Variants in ATAD2 observed in about 807,000 individuals in gnomAD.
The protein encoded by ATAD2 is ATPase family AAA domain containing 2.
ATAD2 carries 62 observed loss-of-function variants against 168.9 expected under a neutral mutation model. That is an observed-to-expected ratio of 0.37 (90% CI 0.30 to 0.45). The LOEUF is 0.45. Ranked by LOEUF, ATAD2 falls within the 20% of genes least tolerant of loss-of-function variation. The pLI is 1.00. For missense variants in ATAD2, 1,419 were observed against 1,667.8 expected (o/e 0.85, Z 2.60); for synonymous variants, 613 against 571.6 (o/e 1.07, Z -1.03).
chr8:123,384,617 G>T (rs772153437), intron 1 of ATAD2, among the ~76,000 whole-genome samples: 14 of 152,186 alleles, frequency 9.2e-5, no homozygotes, highest in Non-Finnish European at 2.1e-4. Flanking sequence ...GCACCCATGT[G>T]CCAGGCCCAT....
chr8:123,370,941 G>T lies in ATAD2; in HGVS notation c.689C>A (p.Thr230Asn). 6.2e-7 allele frequency: 1 copy of T among 1,607,834 alleles called. No homozygotes were observed. The highest frequency in any genetic ancestry group is 8.5e-7 in the Non-Finnish European group (1 of 1,176,512). ...TRGKQKDIQR[T>N]DEETTDNQEG... ...TTGATTATCAGTTGTTTCTTCATCAGTTCTTTGAATATCTTTCTGTTTTCC... is the reference window on the plus strand; with the variant it reads ...TTGATTATCAGTTGTTTCTTCATCATTTCTTTGAATATCTTTCTGTTTTCC... The change falls in exon 6 of 28, where the codon ACT becomes AAT. Residue 230 changes from threonine (T) to asparagine (N), a missense_variant. Coordinates refer to ENST00000287394, the MANE Select transcript of ATAD2 (RefSeq NM_014109.4).
In ATAD2 at chr8:123,369,818, T is replaced by A. The variant is rs1829086161; in HGVS notation, c.931+3A>T. 1.9e-6 allele frequency: 3 copies of A among 1,602,212 alleles called. No individual in the cohort carries two copies. Among genetic ancestry groups the A allele is most frequent in the Non-Finnish European group, 1.7e-6 (2 of 1,170,878 alleles). Reference sequence around the variant, plus strand: ...TCCTGGAAAGAGTATGTATAGCACTTACTTTCCAATGGAGCCTGATAGTAA... The same window carrying A: ...TCCTGGAAAGAGTATGTATAGCACTAACTTTCCAATGGAGCCTGATAGTAA... On this transcript the variant is annotated splice_donor_region_variant and intron_variant, in intron 7 of 27. Coordinates refer to ENST00000287394, the MANE Select transcript of ATAD2 (RefSeq NM_014109.4).
intron 1 of ATAD2, among the ~76,000 whole-genome samples, chr8:123,408,972 C>T (rs146787540): frequency 3.5e-4 from 53 of 152,064 alleles, no homozygotes; most frequent in African/African-American, 1.2e-3. Flanking sequence ...GGACTACAGG[C>T]GCGTGCCACC....
chr8:123,345,183 T>G (rs1828198515), intron 18 of ATAD2, 114 bp from the exon 19 acceptor site: 1 of 864,276 alleles, frequency 1.2e-6, no homozygotes. Flanking sequence ...AGTCCTCAAG[T>G]TTTTAAAATG....
At chr8:123,409,749 C>G (rs1813124807) in intron 1 of ATAD2, among the ~76,000 whole-genome samples, 2 of 151,810 alleles carry the variant, frequency 1.3e-5, no homozygotes, top group African/African-American at 4.8e-5. Flanking sequence ...AGGTGGATCA[C>G]CTGGGGTTGG....
At chr8:123,401,432 G>A (rs1312535945), upstream of ATAD2, 42 of 1,407,900 alleles carry the variant, frequency 3.0e-5, no homozygotes, top group African/African-American at 4.8e-4. Flanking sequence ...CTGCCATGGT[G>A]TATTACGTCA....
chr8:123,415,234 A>G (rs951301256), intron 1 of ATAD2, among the ~76,000 whole-genome samples: 18 of 152,148 alleles, frequency 1.2e-4, no homozygotes, highest in African/African-American at 4.3e-4. Context: ...TAGGGCCCCA[A>G]TCCCTTCTAG....
intron 26 of ATAD2, among the ~76,000 whole-genome samples, chr8:123,325,408 G>A (rs1256872371): frequency 1.3e-5 from 2 of 151,616 alleles, no homozygotes; most frequent in South Asian, 2.1e-4. Context: ...TCAGCCTCCC[G>A]AGTAGCTGGG....
At position 123,375,087 on chromosome 8, in the gene ATAD2, A is replaced by T. The variant is rs563292565; in HGVS notation, c.321-2401T>A. 3.3e-5 allele frequency among the ~76,000 whole-genome samples: 5 copies of T among 152,368 alleles called. No individual in the cohort carries two copies. The East Asian group carries it at 9.6e-4, about 29-fold the overall frequency. On this transcript the variant is annotated intron_variant, in intron 2 of 27. Coordinates refer to ENST00000287394, the MANE Select transcript of ATAD2 (RefSeq NM_014109.4). ...CTGACAACAGTGAAAAAGAAACAGGAAAAGTATATGAAAAAGGACTCAGAA... is the reference window on the plus strand; with the variant it reads ...CTGACAACAGTGAAAAAGAAACAGGTAAAGTATATGAAAAAGGACTCAGAA...
chr8:123,374,078 CT>C (rs1563857492), intron 2 of ATAD2, among the ~76,000 whole-genome samples: 1 of 152,034 alleles, frequency 6.6e-6, no homozygotes, highest in Non-Finnish European at 1.5e-5. Flanking sequence ...AAAATAAAAA[CT>C]TTTGGCTGGG....
chr8:123,404,505 A>G (rs1032974300), intron 1 of ATAD2, among the ~76,000 whole-genome samples: 5 of 150,240 alleles, frequency 3.3e-5, no homozygotes, highest in African/African-American at 9.8e-5. Flanking sequence ...CTTTCACATC[A>G]TATGTCCTTC....
chr8:123,385,541 T>C (rs1327456414), intron 1 of ATAD2, among the ~76,000 whole-genome samples: 4 of 151,946 alleles, frequency 2.6e-5, no homozygotes, highest in Non-Finnish European at 1.5e-5. Context: ...TATGAGAGAA[T>C]AAAGAACTAA....
intron 2 of ATAD2, among the ~76,000 whole-genome samples, chr8:123,378,810 C>T (rs569237246): frequency 4.8e-5 from 7 of 146,310 alleles, no homozygotes; most frequent in East Asian, 4.0e-4. Context: ...AATGTAAAAA[C>T]GATTCTTTTT....
intron 20 of ATAD2, 21 bp from the exon 21 acceptor site, chr8:123,337,842 TTA>T (rs779212862): frequency 4.5e-6 from 7 of 1,570,556 alleles, no homozygotes; most frequent in Non-Finnish European, 6.0e-6. Flanking sequence ...ATGGAAGAAT[TTA>T]GTTACTGCTC....
At chr8:123,383,992 A>G in intron 1 of ATAD2, among the ~76,000 whole-genome samples, 1 of 151,930 alleles carries the variant, frequency 6.6e-6, no homozygotes. Context: ...GAGGCAGGAG[A>G]ATTGCTCGAA....
At chr8:123,399,717 G>A (rs1351253875), upstream of ATAD2, among the ~76,000 whole-genome samples, 1 of 152,074 alleles carries the variant, frequency 6.6e-6, no homozygotes, top group Non-Finnish European at 1.5e-5. Flanking sequence ...AGCTGGGCAT[G>A]GTGGCGGGCA....
rs1307240902 is a variant in ATAD2 at position 123,328,481 on chromosome 8, C to T, written c.3577G>A (p.Ala1193Thr). 15 of 1,607,862 alleles carry T rather than the reference C, an allele frequency of 9.3e-6. No individual in the cohort carries two copies. Among genetic ancestry groups the T allele is most frequent in the Non-Finnish European group, 1.3e-5 (15 of 1,177,506 alleles). The change falls in exon 25 of 28, where the codon GCC (alanine) becomes ACC (threonine). Residue 1193 changes from alanine (A) to threonine (T), a missense_variant. This residue lies in a region of ATAD2 where 303 missense variants were observed against 304.3 expected (regional missense o/e 1.00). Transcript: ENST00000287394. ...ISQAKDDSQN[A>T]IDHKIESDTE... is the part of the protein sequence containing the mutation. ...TCACTCTCAATTTTGTGATCTATGG[C>T]ATTCTGGCTATCATCCTTTGCCTGT...
At position 123,370,075 on chromosome 8, in the gene ATAD2, C is replaced by T. The variant is rs76214946; in HGVS notation, c.728-51G>A. The T allele has an allele frequency of 1.7e-4, 250 of 1,447,564 alleles. No homozygotes were observed. The African/African-American group carries it at 2.7e-3, about 16-fold the overall frequency. 89.7% of individuals were successfully genotyped at this position (1,447,564 alleles called of 1,614,324 possible). A position where few individuals can be genotyped will look rare whatever the true frequency, so the allele number is the denominator to read the frequency against. On this transcript the variant is annotated intron_variant, in intron 6 of 27. Transcript: ENST00000287394. ...AGAAAGATACTCAGCAAAATGTTAA[C>T]AATTTTTAACATAGGTGAGTTGGGA...
At chr8:123,337,513 A>G (rs1827951960) in intron 21 of ATAD2, 112 bp downstream of exon 21, 5 of 1,006,384 alleles carry the variant, frequency 5.0e-6, no homozygotes, top group Non-Finnish European at 5.5e-6. Flanking sequence ...ATGTTTCCAA[A>G]TAGATAAAAC....
Sources: gnomAD v4.1 joint callset for allele counts (sites outside exome capture counted in the v4.1 genomes callset) on GRCh38, gnomAD v4.1.1 for gene constraint, gnomAD v4.1.1 regional missense constraint, MANE v1.5 for transcripts, NCBI Gene and HGNC (gene_info 2026-07-23, HGNC 2026-07-21) for gene names.